RBFOX2: variants seen among roughly 807,000 people sequenced by gnomAD.
RBFOX2 encodes the protein RNA binding protein fox-1 homolog 2.
A neutral mutation model predicts 49.1 loss-of-function variants in RBFOX2; 10 were observed. That is an observed-to-expected ratio of 0.20 (90% CI 0.13 to 0.35). RBFOX2 has a LOEUF of 0.35. Among genes scored for constraint, RBFOX2 ranks in the 10% least tolerant of loss-of-function variants. The pLI, the probability that RBFOX2 is intolerant of heterozygous loss-of-function variation, is 1.00. For synonymous variants in RBFOX2, 183 were observed against 187.4 expected (o/e 0.98, Z 0.19); for missense variants, 323 against 486.9 (o/e 0.66, Z 3.17).
At chr22:35,842,080 A>C (rs1228149839), upstream of RBFOX2, among the ~76,000 whole-genome samples, 1 of 152,184 alleles carries the variant, frequency 6.6e-6, no homozygotes, top group Non-Finnish European at 1.5e-5. Context: ...GTTGTATAAC[A>C]CCATTGGCTG....
chr22:35,984,069 G>T lies in RBFOX2; in HGVS notation c.186+44171C>A, dbSNP rs562432161. Reference sequence around the variant, plus strand: ...ATCTTCTTAATGACTGACCTCTTGGGGATCCCTCCTTATACCTCAACAACT... The same window carrying T: ...ATCTTCTTAATGACTGACCTCTTGGTGATCCCTCCTTATACCTCAACAACT... On this transcript the variant is annotated intron_variant, in intron 1 of 13. Coordinates refer to the RBFOX2 transcript ENST00000438146. Among the ~76,000 whole-genome samples the T allele has an allele frequency of 2.0e-5, 3 of 151,836 alleles. No homozygotes were observed. In the South Asian group the frequency reaches 6.3e-4, roughly 32 times the overall value.
At chr22:35,940,774 G>C (rs545954668), upstream of RBFOX2, among the ~76,000 whole-genome samples, 7 of 152,232 alleles carry the variant, frequency 4.6e-5, no homozygotes, top group South Asian at 1.5e-3. Flanking sequence ...ATAAAGTACA[G>C]ATACAACACA....
At position 35,834,758 on chromosome 22, in the gene RBFOX2, G is replaced by A. The variant is rs2024707; in HGVS notation, c.27+5434C>T. ...GCCAGTGTCATTAGAATGAAATACA[G>A]AAAGAAAAGGATGGCAGGAGATGAG... is the stretch of plus-strand genomic sequence containing the variant. On this transcript the variant is annotated intron_variant, in intron 1 of 11. Coordinates refer to ENST00000405409, the Ensembl canonical transcript of RBFOX2. 1.1e-4 allele frequency among the ~76,000 whole-genome samples: 17 copies of A among 152,254 alleles called. No individual in the cohort carries two copies. The South Asian group carries it at 3.5e-3, about 32-fold the overall frequency.
rs1441675348 is a variant in RBFOX2 at position 35,759,925 on chromosome 22, G to T, written c.850C>A (p.Arg284=). The stretch of plus-strand genomic sequence containing the variant: ...GGGATGGCTGTTGGAGGTACCGCTC[G>T]GACTGCACCATATACTGTCCGCCCT... The change falls in exon 9 of 12, where the codon CGA becomes AGA. Residue 284 remains arginine, a synonymous_variant. Coordinates refer to ENST00000405409, the Ensembl canonical transcript of RBFOX2. This position sits in a 1 kb window ranked among gnomAD's most constrained non-coding sequence, Gnocchi z 4.6. 1 of 1,613,528 alleles carries T rather than the reference G, an allele frequency of 6.2e-7. No homozygotes were observed. The highest frequency in any genetic ancestry group is 8.5e-7 in the Non-Finnish European group (1 of 1,179,992).
intron 2 of RBFOX2, among the ~76,000 whole-genome samples, chr22:35,798,089 C>T (rs749997545): frequency 1.3e-5 from 2 of 152,204 alleles, no homozygotes; most frequent in Non-Finnish European, 1.5e-5. Flanking sequence ...GATTCTCCTG[C>T]CTCAGCCTCC....
chr22:35,981,014 T>C (rs2057431627), intron 1 of RBFOX2, among the ~76,000 whole-genome samples: 1 of 152,156 alleles, frequency 6.6e-6, no homozygotes, highest in Non-Finnish European at 1.5e-5. Context: ...GAGAAAAAGA[T>C]AGCAAGTGAT....
At chr22:35,959,181 C>T (rs1603458553) in intron 1 of RBFOX2, among the ~76,000 whole-genome samples, 1 of 152,106 alleles carries the variant, frequency 6.6e-6, no homozygotes, top group Admixed American at 6.5e-5. Flanking sequence ...CACTGCAATG[C>T]GCTAGATAAT....
At chr22:35,927,666 A>G (rs909511808) in intron 1 of RBFOX2, among the ~76,000 whole-genome samples, 10 of 151,802 alleles carry the variant, frequency 6.6e-5, no homozygotes, top group African/African-American at 2.4e-4. Flanking sequence ...TGAGAAACAG[A>G]GCTGGAAAAA....
At chr22:35,868,359 A>G (rs778436540) in intron 1 of RBFOX2, among the ~76,000 whole-genome samples, 68 of 152,274 alleles carry the variant, frequency 4.5e-4, no homozygotes, top group Non-Finnish European at 7.6e-4. Context: ...ACCTTCATAG[A>G]AAGTGTAGGT....
At chr22:35,967,243 A>G (rs1168586282) in intron 1 of RBFOX2, among the ~76,000 whole-genome samples, 2 of 152,220 alleles carry the variant, frequency 1.3e-5, no homozygotes, top group Non-Finnish European at 2.9e-5. Context: ...GAATATCATG[A>G]AAACATTCTT....
At chr22:35,939,192 AGAGTTAATTCCT>A, upstream of RBFOX2, 1 of 568,380 alleles carries the variant, frequency 1.8e-6, no homozygotes, top group East Asian at 4.0e-5. Flanking sequence ...GACTGGGGTC[AGAGTTAATTCCT>A]AACTTCATCA....
intron 8 of RBFOX2, 92 bp from the exon 10 acceptor site, chr22:35,760,112 G>T (rs557973505): frequency 6.6e-7 from 1 of 1,521,960 alleles, no homozygotes; most frequent in East Asian, 2.3e-5. Context: ...TTATAGAAAA[G>T]ATGGAAAGAT....
intron 1 of RBFOX2, among the ~76,000 whole-genome samples, chr22:35,827,583 G>A (rs1956021741): frequency 6.6e-6 from 1 of 152,098 alleles, no homozygotes; most frequent in African/African-American, 2.4e-5. Flanking sequence ...ACAAAGCAAT[G>A]CCATAGCCAT....
intron 1 of RBFOX2, among the ~76,000 whole-genome samples, chr22:35,990,178 T>C (rs970290483): frequency 2.6e-5 from 4 of 151,972 alleles, no homozygotes; most frequent in Non-Finnish European, 5.9e-5. Context: ...TGAGACTCTG[T>C]CTAAAAACAA....
chr22:35,744,825 C>T (rs963410941), intron 11 of RBFOX2, among the ~76,000 whole-genome samples: 1 of 152,228 alleles, frequency 6.6e-6, no homozygotes, highest in Non-Finnish European at 1.5e-5. Flanking sequence ...ATTTACATAT[C>T]TAGCTGGGGT....
chr22:35,962,502 T>C (rs977575733), upstream of RBFOX2, among the ~76,000 whole-genome samples: 5 of 152,304 alleles, frequency 3.3e-5, no homozygotes, highest in Admixed American at 6.5e-5. Context: ...ATTAGTAAAA[T>C]TCCTGTGGAT....
chr22:35,777,823 ACC>A lies in RBFOX2; in HGVS notation c.453+200_453+201del. Reference sequence around the variant, plus strand: ...AACCTTCTCTGCTTCTTACTTCATCACCCTTCCACCCCCATATAAGTATCAGA... The same window carrying A: ...AACCTTCTCTGCTTCTTACTTCATCACTTCCACCCCCATATAAGTATCAGA... On this transcript the variant is annotated intron_variant, in intron 4 of 11. Coordinates refer to ENST00000405409, the Ensembl canonical transcript of RBFOX2. 1.1e-5 allele frequency: 6 copies of A among 567,310 alleles called. No individual in the cohort carries two copies. The South Asian group carries it at 1.5e-4, about 14-fold the overall frequency. The allele number at this position is 567,310 out of a possible 1,614,324, so 35.1% of individuals were successfully genotyped here.
At chr22:35,825,336 G>A (rs1004166910) in intron 1 of RBFOX2, among the ~76,000 whole-genome samples, 11 of 151,772 alleles carry the variant, frequency 7.2e-5, no homozygotes, top group African/African-American at 2.7e-4. Flanking sequence ...CCAAAGGTGG[G>A]TTACAGAGAC....
chr22:35,840,525 T>C, exon 1 of RBFOX2: 1 of 1,189,924 alleles, frequency 8.4e-7, no homozygotes, highest in Non-Finnish European at 1.1e-6. Flanking sequence ...CTCTTCCTCC[T>C]CCCCCCACCC....
Sources: allele counts gnomAD v4.1 joint callset (sites outside exome capture counted in the v4.1 genomes callset), GRCh38; gene constraint gnomAD v4.1.1; non-coding constraint Gnocchi (gnomAD v3.1); transcripts MANE v1.5; gene names NCBI Gene and HGNC (gene_info 2026-07-23, HGNC 2026-07-21).